The following IQGAP1 variants were observed in gnomAD, a reference collection of about 807,000 sequenced individuals.
IQGAP1 encodes the protein ras GTPase-activating-like protein IQGAP1.
A neutral mutation model predicts 215.6 loss-of-function variants in IQGAP1; 66 were observed. The observed-to-expected ratio is 0.31, with a 90% CI of 0.25 to 0.38. The LOEUF (loss-of-function observed/expected upper bound fraction) is 0.38. IQGAP1 is among the 10% of genes least tolerant of loss of function. The probability of loss-of-function intolerance (pLI) is 1.00; values close to 1 mark genes in which losing one functional copy is unlikely to be tolerated. For missense variants in IQGAP1, 1,712 were observed against 1,997.1 expected (o/e 0.86, Z 2.72); for synonymous variants, 772 against 728.7 (o/e 1.06, Z -0.96).
chr15:90,406,944 C>T (rs1964887637), intron 2 of IQGAP1, among the ~76,000 whole-genome samples: 1 of 152,168 alleles, frequency 6.6e-6, no homozygotes, highest in South Asian at 2.1e-4. Context: ...ATGGTATATG[C>T]AGCCAAGGAA....
chr15:90,407,501 TTC>T (rs910851941), intron 2 of IQGAP1, among the ~76,000 whole-genome samples: 2 of 152,318 alleles, frequency 1.3e-5, no homozygotes, highest in African/African-American at 4.8e-5. Context: ...GGAGGATAGT[TTC>T]TTATATAACA....
chr15:90,482,681 CT>C, intron 28 of IQGAP1: 2 of 938,132 alleles, frequency 2.1e-6, no homozygotes, highest in Non-Finnish European at 2.6e-6. Flanking sequence ...AATCTGAATG[CT>C]TTTTTCTTCT....
Position 90,449,583 on chromosome 15 carries a change from A to G in IQGAP1, c.1102A>G (p.Lys368Glu). The change falls in exon 11 of 38, where the codon AAG becomes GAG. Residue 368 changes from lysine (K) to glutamate (E), a missense_variant. By Grantham distance (56) the Lys-to-Glu change is moderately conservative. Coordinates refer to ENST00000268182, the MANE Select transcript of IQGAP1 (RefSeq NM_003870.4). ...RQSGQTDPLQ[K>E]EELQSGVDAA... is the part of the protein sequence containing the mutation. ...GAGTGGTCAGACTGACCCCCTGCAGAAGGAGGAGCTGCAGTCTGGAGTGGA... is the reference window on the plus strand; with the variant it reads ...GAGTGGTCAGACTGACCCCCTGCAGGAGGAGGAGCTGCAGTCTGGAGTGGA... 6.2e-7 allele frequency: 1 copy of G among 1,613,072 alleles called. No individual in the cohort carries two copies. Among genetic ancestry groups the G allele is most frequent in the Non-Finnish European group, 8.5e-7 (1 of 1,179,568 alleles).
At chr15:90,459,613 G>T (rs762344588) in intron 15 of IQGAP1, among the ~76,000 whole-genome samples, 5 of 152,154 alleles carry the variant, frequency 3.3e-5, no homozygotes, top group Admixed American at 6.6e-5. Context: ...GGGAGTTAAA[G>T]GAAAAATTGC....
chr15:90,494,947 T>G, intron 36 of IQGAP1, 112 bp downstream of exon 36: 1 of 696,120 alleles, frequency 1.4e-6, no homozygotes, highest in Non-Finnish European at 2.4e-6. Flanking sequence ...GTATTTTTTA[T>G]GTATTTATAT....
chr15:90,498,225 T>A (rs547420432), intron 37 of IQGAP1, among the ~76,000 whole-genome samples: 12 of 152,136 alleles, frequency 7.9e-5, no homozygotes, highest in African/African-American at 2.9e-4. Context: ...AGCCATAAAC[T>A]CCTTAAGGAC....
Position 90,467,495 on chromosome 15 carries a change from A to T in IQGAP1, c.2081A>T (p.Tyr694Phe). ...GTGAAGCACTGGGTAAAAGGTGGAT[A>T]TTATTATTACCACAATCTGGAGACC... ...KWVKHWVKGG[Y>F]YYYHNLETQE... Residue 694 changes from tyrosine (Y) to phenylalanine (F), a missense_variant, in exon 18 of 38, where the codon TAT (tyrosine) becomes TTT (phenylalanine). Tyr to Phe is a conservative substitution (Grantham distance 22). Around this residue, in one of 2 missense-constraint regions of IQGAP1, gnomAD observed 1,021 missense variants for 1,074.2 expected, o/e 0.95. Coordinates refer to ENST00000268182, the MANE Select transcript of IQGAP1 (RefSeq NM_003870.4). 1 of 1,613,174 alleles carries T rather than the reference A, an allele frequency of 6.2e-7. No individual in the cohort carries two copies. The highest frequency in any genetic ancestry group is 8.5e-7 in the Non-Finnish European group (1 of 1,179,584).
At chr15:90,488,316 T>A (rs1347358874) in intron 33 of IQGAP1, among the ~76,000 whole-genome samples, 4 of 152,148 alleles carry the variant, frequency 2.6e-5, no homozygotes, top group Non-Finnish European at 5.9e-5. Flanking sequence ...TTAAATCATC[T>A]CTAGACTACT....
intron 2 of IQGAP1, among the ~76,000 whole-genome samples, chr15:90,395,959 G>A (rs1964712857): frequency 6.6e-6 from 1 of 152,140 alleles, no homozygotes; most frequent in African/African-American, 2.4e-5. Context: ...TTCTGCTGCT[G>A]AGTGCCCGTA....
chr15:90,413,115 C>A (rs1596254478), intron 2 of IQGAP1, among the ~76,000 whole-genome samples: 1 of 151,874 alleles, frequency 6.6e-6, no homozygotes, highest in South Asian at 2.1e-4. Context: ...GTATGTACTC[C>A]CTTTGAAAAG....
At position 90,453,270 on chromosome 15, in the gene IQGAP1, A is replaced by G. The variant is rs952682642; in HGVS notation, c.1465A>G (p.Ile489Val). 17 of 1,612,640 alleles carry G rather than the reference A, an allele frequency of 1.1e-5. No homozygotes were observed. Among genetic ancestry groups the G allele is most frequent in the Non-Finnish European group, 1.4e-5 (17 of 1,179,438 alleles). ...LSSSVTGLTNIEEENCQRYLD... is the reference protein window; with the variant it reads ...LSSSVTGLTNVEEENCQRYLD... ...CAGTTCAGTTACTGGTCTTACCAAT[A>G]TTGAGGAAGAAAACTGTCAGAGGTG... Residue 489 changes from isoleucine (I) to valine (V), a missense_variant, in exon 13 of 38, where the codon ATT becomes GTT. By Grantham distance (29) the Ile-to-Val change is conservative. Around this residue, in one of 2 missense-constraint regions of IQGAP1, gnomAD observed 1,021 missense variants for 1,074.2 expected, o/e 0.95. Transcript: ENST00000268182.
At chr15:90,455,329 T>C (rs946674810) in intron 14 of IQGAP1, among the ~76,000 whole-genome samples, 2 of 152,226 alleles carry the variant, frequency 1.3e-5, no homozygotes, top group East Asian at 1.9e-4. Context: ...CACGTGACTC[T>C]ATACCTCAGT....
chr15:90,468,037 C>T (rs546556850), intron 18 of IQGAP1, among the ~76,000 whole-genome samples: 24 of 149,774 alleles, frequency 1.6e-4, no homozygotes, highest in Non-Finnish European at 3.2e-4. Flanking sequence ...TATACTGTTC[C>T]ATTCAACAGT....
At position 90,482,066 on chromosome 15, in the gene IQGAP1, C is replaced by T. The variant is rs768832711; in HGVS notation, c.3436C>T (p.Leu1146Phe). 1.9e-6 allele frequency: 3 copies of T among 1,614,242 alleles called. No individual in the cohort carries two copies. Among genetic ancestry groups the T allele is most frequent in the Non-Finnish European group, 2.5e-6 (3 of 1,180,038 alleles). The change falls in exon 27 of 38, where the codon CTC becomes TTC. Residue 1146 changes from leucine (L) to phenylalanine (F), a missense_variant. Physicochemically the swap from Leu to Phe is conservative, Grantham distance 22. Transcript: ENST00000268182. ...CATGCGGGCTGTGACAGACAAGTTT[C>T]TCTCAGCCATTGTCAGCTCTGTGGA... ...RNMRAVTDKF[L>F]SAIVSSVDKI...
chr15:90,423,061 G>A (rs1965170590), intron 2 of IQGAP1, among the ~76,000 whole-genome samples: 2 of 150,836 alleles, frequency 1.3e-5, no homozygotes, highest in African/African-American at 4.9e-5. Flanking sequence ...TTTGCTTCCT[G>A]GCTCTCAGGT....
Position 90,433,794 on chromosome 15 carries a change from A to T in IQGAP1, c.466A>T (p.Ser156Cys). Residue 156 changes from serine to cysteine, a missense_variant and splice_region_variant, in exon 5 of 38, where the codon AGT becomes TGT. By Grantham distance (112) the Ser-to-Cys change is moderately radical. This residue lies in a region of IQGAP1 where 1,021 missense variants were observed against 1,074.2 expected (regional missense o/e 0.95). Coordinates refer to ENST00000268182, the MANE Select transcript of IQGAP1 (RefSeq NM_003870.4). ...ATGTATCTACTGTATCCATGCACTC[A>T]GGTAGTCAAATTTTCTTGGCAAAAT... ...PRCIYCIHAL[S>C]LYLFKLGLAP... The T allele has an allele frequency of 6.4e-7, 1 of 1,573,140 alleles. No individual in the cohort carries two copies. Among genetic ancestry groups the T allele is most frequent in the Non-Finnish European group, 8.7e-7 (1 of 1,151,678 alleles).
At chr15:90,424,066 T>A (rs1015317918) in intron 2 of IQGAP1, among the ~76,000 whole-genome samples, 1 of 152,080 alleles carries the variant, frequency 6.6e-6, no homozygotes, top group Non-Finnish European at 1.5e-5. Context: ...TGAGGGCCAT[T>A]TTTGGCTTAG....
At chr15:90,398,803 G>C (rs1336518484) in intron 2 of IQGAP1, among the ~76,000 whole-genome samples, 1 of 152,042 alleles carries the variant, frequency 6.6e-6, no homozygotes, top group East Asian at 1.9e-4. Context: ...AGGAGTTCGA[G>C]ACTAGCCTGG....
At chr15:90,453,008 C>A in intron 12 of IQGAP1, 70 bp downstream of exon 12, 1 of 1,578,606 alleles carries the variant, frequency 6.3e-7, no homozygotes. Flanking sequence ...CCACTTCTTC[C>A]TGTGGTTAGG....
Sources: gnomAD v4.1 joint callset for allele counts (sites outside exome capture counted in the v4.1 genomes callset) on GRCh38, gnomAD v4.1.1 for gene constraint, gnomAD v4.1.1 regional missense constraint, MANE v1.5 for transcripts, NCBI Gene and HGNC (gene_info 2026-07-23, HGNC 2026-07-21) for gene names.